FBLN7: variants seen among roughly 807,000 people sequenced by gnomAD.
FBLN7 encodes fibulin-7.
FBLN7 carries 31 observed loss-of-function variants against 44.0 expected under a neutral mutation model. The observed-to-expected ratio is 0.70, with a 90% CI of 0.53 to 0.95. FBLN7 has a LOEUF of 0.95. Among genes scored for constraint, FBLN7 ranks in the 40% least tolerant of loss-of-function variants. The pLI is 0.00. For missense variants in FBLN7, 573 were observed against 618.5 expected (o/e 0.93, Z 0.78); for synonymous variants, 262 against 253.4 (o/e 1.03, Z -0.32).
At chr2:112,172,636 T>C (rs1000746276) in intron 3 of FBLN7, among the ~76,000 whole-genome samples, 1 of 137,590 alleles carries the variant, frequency 7.3e-6, no homozygotes, top group Non-Finnish European at 1.6e-5. Flanking sequence ...TCTTTTTTTT[T>C]TTTTTTTTTT....
At chr2:112,217,333 A>C in the FBLN7 span, among the ~76,000 whole-genome samples, 2 of 152,232 alleles carry the variant, frequency 1.3e-5, no homozygotes, top group African/African-American at 4.8e-5. Flanking sequence ...AGATCGTGCC[A>C]CTTCATTCAA....
chr2:112,234,853 C>T, the FBLN7 span, among the ~76,000 whole-genome samples: 5 of 151,658 alleles, frequency 3.3e-5, no homozygotes, highest in African/African-American at 1.2e-4. Flanking sequence ...GATTAAAAAC[C>T]GAAGTCTAAG....
At position 112,187,464 on chromosome 2, in the gene FBLN7, C is replaced by CGT; in HGVS notation, c.1281_1282dup (p.Ser428CysfsTer25). On this transcript the variant is annotated frameshift_variant, in exon 8 of 8. Transcript: ENST00000331203. LOFTEE classifies it high-confidence loss of function. This position sits in a 1 kb window ranked among gnomAD's most constrained non-coding sequence, Gnocchi z 5.1. The stretch of plus-strand genomic sequence containing the variant: ...TGGACCGCTCCTTCCAGGCCAACCA[C>CGT]GTGTCCAAGGTCACCATCTTTGTAT... The CGT allele has an allele frequency of 6.2e-7, 1 of 1,614,214 alleles. No individual in the cohort carries two copies. The highest frequency in any genetic ancestry group is 1.7e-5 in the Admixed American group (1 of 60,028).
the FBLN7 span, among the ~76,000 whole-genome samples, chr2:112,201,229 C>T: frequency 4.7e-4 from 71 of 152,304 alleles, 1 homozygote; most frequent in African/African-American, 1.6e-3. Flanking sequence ...TTTACAAATC[C>T]TGTGATTTGA....
intron 3 of FBLN7, among the ~76,000 whole-genome samples, chr2:112,171,564 T>C (rs1310945409): frequency 6.6e-6 from 1 of 152,104 alleles, no homozygotes; most frequent in African/African-American, 2.4e-5. Flanking sequence ...ACTCAATAAA[T>C]AGTTACTGAG....
chr2:112,186,014 C>T (rs1683251579), intron 7 of FBLN7, among the ~76,000 whole-genome samples: 1 of 152,002 alleles, frequency 6.6e-6, no homozygotes, highest in South Asian at 2.1e-4. Context: ...TGGAGGGTAA[C>T]TTAATTATTT....
chr2:112,186,947 C>T (rs1362176021), intron 7 of FBLN7, among the ~76,000 whole-genome samples, 187 bp from the exon 8 acceptor site: 1 of 152,200 alleles, frequency 6.6e-6, no homozygotes. Context: ...AGCAGCCCTT[C>T]CTTTGCCATG....
intron 4 of FBLN7, among the ~76,000 whole-genome samples, chr2:112,178,898 G>A (rs1049560406): frequency 2.0e-5 from 3 of 150,292 alleles, no homozygotes; most frequent in African/African-American, 7.4e-5. Context: ...AACATTGTAC[G>A]GAATGGGCAT....
intron 1 of FBLN7, among the ~76,000 whole-genome samples, chr2:112,158,944 G>A (rs926279658): frequency 6.6e-6 from 1 of 152,178 alleles, no homozygotes; most frequent in African/African-American, 2.4e-5. Context: ...CTGCCATCTA[G>A]AAGACATCAC....
At chr2:112,183,692 G>T (rs1683113280) in intron 6 of FBLN7, among the ~76,000 whole-genome samples, 1 of 152,128 alleles carries the variant, frequency 6.6e-6, no homozygotes, top group African/African-American at 2.4e-5. Context: ...ACTGGCTCAG[G>T]TTTCACCCCA....
chr2:112,164,847 T>C (rs139469931), intron 2 of FBLN7, among the ~76,000 whole-genome samples, 154 bp from the exon 3 acceptor site: 1 of 152,156 alleles, frequency 6.6e-6, no homozygotes, highest in Non-Finnish European at 1.5e-5. Context: ...GAGGACTTGA[T>C]GAGACGCAGC....
chr2:112,201,679 A>T, the FBLN7 span, among the ~76,000 whole-genome samples: 1 of 152,186 alleles, frequency 6.6e-6, no homozygotes, highest in Non-Finnish European at 1.5e-5. Context: ...ACTTAGGGAG[A>T]ACATAGAATC....
At chr2:112,242,329 TCA>T in the FBLN7 span, among the ~76,000 whole-genome samples, 1 of 152,202 alleles carries the variant, frequency 6.6e-6, no homozygotes, top group Non-Finnish European at 1.5e-5. Context: ...AATTTAAATT[TCA>T]GAGTCCATAA....
the FBLN7 span, chr2:112,212,580 G>GTA: frequency 1.3e-5 from 2 of 152,228 alleles, no homozygotes; most frequent in African/African-American, 4.8e-5. Context: ...ATTATTTCAG[G>GTA]TGGTATGACA....
downstream of FBLN7, among the ~76,000 whole-genome samples, chr2:112,191,783 C>G (rs946844264): frequency 1.3e-5 from 2 of 152,010 alleles, no homozygotes; most frequent in Non-Finnish European, 2.9e-5. Context: ...CTGATTATAC[C>G]TCCTTCATTT....
intron 6 of FBLN7, among the ~76,000 whole-genome samples, chr2:112,183,425 G>A (rs905272678): frequency 3.9e-5 from 6 of 152,200 alleles, no homozygotes; most frequent in African/African-American, 1.4e-4. Flanking sequence ...GGACAACAAG[G>A]GAGGCGGAGC....
At chr2:112,154,836 C>A (rs1681335833) in intron 1 of FBLN7, among the ~76,000 whole-genome samples, 1 of 152,188 alleles carries the variant, frequency 6.6e-6, no homozygotes, top group Non-Finnish European at 1.5e-5. Flanking sequence ...CCTGCCCAGA[C>A]TGAAAAGAGT....
In FBLN7 at chr2:112,187,244, C is replaced by G. The variant is rs750455955; in HGVS notation, c.1058C>G (p.Thr353Arg). ...CCTTCCAACCTGAAGACGCCCATCA[C>G]GCTCTTCCGCATGGCCACAGCCTCT... is the stretch of plus-strand genomic sequence containing the variant. ...SLPSNLKTPI[T>R]LFRMATASAP... The change falls in exon 8 of 8, where the codon ACG becomes AGG. Residue 353 changes from threonine to arginine, a missense_variant. Transcript: ENST00000331203. The surrounding 1 kb of genome is among the most constrained non-coding windows in gnomAD (Gnocchi z 5.1). 1 of 1,614,214 alleles carries G rather than the reference C, an allele frequency of 6.2e-7. No homozygotes were observed. The highest frequency in any genetic ancestry group is 8.5e-7 in the Non-Finnish European group (1 of 1,180,040).
chr2:112,166,418 A>G (rs1682160200), intron 3 of FBLN7, among the ~76,000 whole-genome samples: 1 of 152,160 alleles, frequency 6.6e-6, no homozygotes, highest in Admixed American at 6.5e-5. Flanking sequence ...TGCCATCCCT[A>G]AAGATGAGTA....
Sources: allele counts gnomAD v4.1 joint callset (sites outside exome capture counted in the v4.1 genomes callset), GRCh38; gene constraint gnomAD v4.1.1; non-coding constraint Gnocchi (gnomAD v3.1); transcripts MANE v1.5; gene names NCBI Gene and HGNC (gene_info 2026-07-23, HGNC 2026-07-21).